The following DLG3 variants were observed in gnomAD, a reference collection of about 807,000 sequenced individuals.
DLG3 encodes the protein disks large homolog 3.
A neutral mutation model predicts 64.1 loss-of-function variants in DLG3; 1 was observed. The ratio of observed to expected loss-of-function variants is 0.02; its 90% CI spans 0.01 to 0.07. The LOEUF is 0.07. Among genes scored for constraint, DLG3 ranks in the 10% least tolerant of loss-of-function variants. The probability of loss-of-function intolerance (pLI) is 1.00; values close to 1 mark genes in which losing one functional copy is unlikely to be tolerated. For missense variants in DLG3, 429 were observed against 669.5 expected (o/e 0.64, Z 3.96); for synonymous variants, 245 against 259.8 (o/e 0.94, Z 0.55).
At chrX:70,449,978 T>C (rs755859089) in intron 4 of DLG3, 119 bp downstream of exon 4, 2 of 1,014,578 alleles carry the variant, frequency 2.0e-6, no homozygotes, top group African/African-American at 3.8e-5. Flanking sequence ...CTGTTCCAAC[T>C]CACAGCCTAC....
At chrX:70,460,305 A>C (rs2086781862) in intron 9 of DLG3, among the ~76,000 whole-genome samples, 1 of 109,121 alleles carries the variant, frequency 9.2e-6, no homozygotes, top group Non-Finnish European at 1.9e-5. Flanking sequence ...AAAAAAAAAA[A>C]AACTCCCAAA....
intron 9 of DLG3, among the ~76,000 whole-genome samples, chrX:70,462,964 A>G (rs1196682512): frequency 9.0e-6 from 1 of 111,348 alleles, no homozygotes. Flanking sequence ...TATGTAACCC[A>G]AGGACATGGT....
In DLG3 at chrX:70,461,564, A is replaced by T. The variant is rs749837445; in HGVS notation, c.1405+7248A>T. Among the ~76,000 whole-genome samples the T allele has an allele frequency of 5.9e-5, 6 of 101,926 alleles. No individual in the cohort carries two copies. The South Asian group carries it at 2.7e-3, about 45-fold the overall frequency. 88.5% of individuals were successfully genotyped at this position (101,926 alleles called of 115,157 possible). A position where few individuals can be genotyped will look rare whatever the true frequency, so the allele number is the denominator to read the frequency against. The stretch of plus-strand genomic sequence containing the variant: ...GGAATGCTGATCTGATAAAAATGAT[A>T]GGGCCCCCCCTTTTTTTTTTTTTTG... On this transcript the variant is annotated intron_variant, in intron 9 of 18. Transcript: ENST00000374360.
At chrX:70,483,428 C>T (rs1008261243) in intron 10 of DLG3, among the ~76,000 whole-genome samples, 3 of 113,076 alleles carry the variant, frequency 2.7e-5, no homozygotes, top group South Asian at 3.6e-4. Flanking sequence ...TCTGGCAGTT[C>T]GCCATCTACC....
chrX:70,494,194 C>T (rs974501019), intron 12 of DLG3, among the ~76,000 whole-genome samples: 4 of 112,749 alleles, frequency 3.5e-5, no homozygotes, highest in African/African-American at 9.7e-5. Context: ...CTAAATTCAA[C>T]GGAAGAAGAA....
intron 1 of DLG3, among the ~76,000 whole-genome samples, chrX:70,445,768 G>T (rs1243091657): frequency 9.4e-6 from 1 of 106,209 alleles, no homozygotes; most frequent in Admixed American, 1.0e-4. Context: ...ACTGGGAGGA[G>T]CCGTGTGTCA....
intron 9 of DLG3, among the ~76,000 whole-genome samples, chrX:70,464,149 G>A (rs1379107334): frequency 2.7e-5 from 3 of 110,930 alleles, no homozygotes; most frequent in Non-Finnish European, 5.7e-5. Flanking sequence ...TACAGGTACT[G>A]CACCCAGCAT....
At chrX:70,460,576 A>G (rs2086786433) in intron 9 of DLG3, among the ~76,000 whole-genome samples, 1 of 112,592 alleles carries the variant, frequency 8.9e-6, no homozygotes, top group Non-Finnish European at 1.9e-5. Flanking sequence ...CTTCAAGTGA[A>G]ATGGAGTTGT....
rs1432059458 is a variant in DLG3 at position 70,452,507 on chromosome X, G to A, written c.1145+481G>A. Reference sequence around the variant, plus strand: ...CAGCGGCTGCGCGGGGCCTGGAACTGGTCGGGCCGGCTGGGGTTCCGGGGG... The same window carrying A: ...CAGCGGCTGCGCGGGGCCTGGAACTAGTCGGGCCGGCTGGGGTTCCGGGGG... On this transcript the variant is annotated intron_variant, in intron 7 of 18. Coordinates refer to ENST00000374360, the MANE Select transcript of DLG3 (RefSeq NM_021120.4). The A allele has an allele frequency of 3.5e-6, 4 of 1,134,556 alleles. No individual in the cohort carries two copies. In the African/African-American group the frequency reaches 7.3e-5, roughly 21 times the overall value. 93.5% of individuals were successfully genotyped at this position (1,134,556 alleles called of 1,213,427 possible). A position where few individuals can be genotyped will look rare whatever the true frequency, so the allele number is the denominator to read the frequency against.
chrX:70,497,199 C>T, intron 13 of DLG3: 12 of 1,211,423 alleles, frequency 9.9e-6, no homozygotes, highest in Non-Finnish European at 1.3e-5. Context: ...CATCCAACAC[C>T]AGTGACAGCG....
At chrX:70,489,208 A>G (rs2147865901) in intron 10 of DLG3, among the ~76,000 whole-genome samples, 1 of 112,622 alleles carries the variant, frequency 8.9e-6, no homozygotes, top group Admixed American at 9.4e-5. Flanking sequence ...TGCAGAGTTA[A>G]CTACTGGCAA....
intron 18 of DLG3, among the ~76,000 whole-genome samples, chrX:70,501,405 C>CTGTG (rs1443311416): frequency 1.1e-4 from 5 of 45,543 alleles, no homozygotes; most frequent in African/African-American, 7.3e-4. Context: ...GGGTGTCTGT[C>CTGTG]TGTCTGTCTG....
intron 9 of DLG3, among the ~76,000 whole-genome samples, chrX:70,459,423 CT>C (rs1392500319): frequency 8.9e-6 from 1 of 112,401 alleles, no homozygotes; most frequent in Non-Finnish European, 1.9e-5. Flanking sequence ...CTATCTCCCC[CT>C]TTTTGAGAAT....
rs368158216 is a variant in DLG3 at position 70,479,303 on chromosome X, G to A, written c.1520+39G>A. ...CAGAGCACTAGCCCTTGTGCTGGAC[G>A]AGGAGAGCTCCATGCCAACCCAGCC... On this transcript the variant is annotated intron_variant, in intron 10 of 18. Coordinates refer to ENST00000374360, the MANE Select transcript of DLG3 (RefSeq NM_021120.4). 83 of 1,030,325 alleles carry A rather than the reference G, an allele frequency of 8.1e-5. No homozygotes were observed. The African/African-American group carries it at 1.1e-3, about 14-fold the overall frequency. 84.9% of individuals were successfully genotyped at this position (1,030,325 alleles called of 1,213,427 possible). A position where few individuals can be genotyped will look rare whatever the true frequency, so the allele number is the denominator to read the frequency against.
chrX:70,486,650 C>CTTTTTTT (rs371561978), intron 10 of DLG3, among the ~76,000 whole-genome samples: 1 of 71,625 alleles, frequency 1.4e-5, no homozygotes, highest in Non-Finnish European at 2.8e-5. Flanking sequence ...ATACCTTTTG[C>CTTTTTTT]TTTTTTTTTT....
intron 9 of DLG3, 33 bp from the exon 10 acceptor site, chrX:70,479,117 C>G: frequency 8.6e-7 from 1 of 1,157,596 alleles, no homozygotes; most frequent in Non-Finnish European, 1.2e-6. Context: ...TGAGTTCATT[C>G]TTTTCCCATC....
At chrX:70,461,579 T>G (rs927751954) in intron 9 of DLG3, among the ~76,000 whole-genome samples, 1 of 110,235 alleles carries the variant, frequency 9.1e-6, no homozygotes, top group Non-Finnish European at 1.9e-5. Context: ...CCCCCCTTTT[T>G]TTTTTTTTTG....
At chrX:70,473,404 C>T (rs758897517) in intron 9 of DLG3, among the ~76,000 whole-genome samples, 1 of 110,087 alleles carries the variant, frequency 9.1e-6, no homozygotes, top group South Asian at 3.9e-4. Flanking sequence ...ACTCCACCCC[C>T]TTCCCACAGG....
chrX:70,473,192 C>G lies in DLG3; in HGVS notation c.1406-5958C>G, dbSNP rs191039439. On this transcript the variant is annotated intron_variant, in intron 9 of 18. Transcript: ENST00000374360. The stretch of plus-strand genomic sequence containing the variant: ...AAAAAAAAAAAAGCAAATAACCTTA[C>G]CATAGTTTACAAGGCCTTGTATGAT... Among the ~76,000 whole-genome samples the G allele has an allele frequency of 2.9e-4, 31 of 108,172 alleles. No individual in the cohort carries two copies. The East Asian group carries it at 9.0e-3, about 32-fold the overall frequency. The allele number at this position is 108,172 out of a possible 115,157, so 93.9% of individuals were successfully genotyped here. A position where few individuals can be genotyped will look rare whatever the true frequency, so the allele number is the denominator to read the frequency against.
Sources: gnomAD v4.1 joint callset for allele counts (sites outside exome capture counted in the v4.1 genomes callset) on GRCh38, gnomAD v4.1.1 for gene constraint, MANE v1.5 for transcripts, NCBI Gene and HGNC (gene_info 2026-07-23, HGNC 2026-07-21) for gene names.